Variants in GAREM1 observed in about 807,000 individuals in gnomAD.
GAREM1 encodes GRB2 associated regulator of MAPK1 subtype 1.
A neutral mutation model predicts 71.3 loss-of-function variants in GAREM1; 26 were observed. The observed-to-expected ratio is 0.36, with a 90% CI of 0.27 to 0.51. GAREM1 has a LOEUF of 0.51. Among genes scored for constraint, GAREM1 ranks in the 20% least tolerant of loss-of-function variants. GAREM1 has a pLI of 0.95. For missense variants in GAREM1, 1,026 were observed against 1,103.1 expected, an observed-to-expected ratio of 0.93 and a Z score of 0.99; for synonymous variants, 440 against 433.2, an observed-to-expected ratio of 1.02 and a Z score of -0.20.
At chr18:32,372,358 G>T (rs765868167) in intron 2 of GAREM1, among the ~76,000 whole-genome samples, 1 of 152,124 alleles carries the variant, frequency 6.6e-6, no homozygotes, top group African/African-American at 2.4e-5. Flanking sequence ...TCTATGTGAC[G>T]CACACTAATC....
At chr18:32,371,827 G>T (rs986487608) in intron 2 of GAREM1, among the ~76,000 whole-genome samples, 1 of 152,150 alleles carries the variant, frequency 6.6e-6, no homozygotes, top group Non-Finnish European at 1.5e-5. Context: ...CAAGGAAAAT[G>T]GCACAAGTGA....
intron 2 of GAREM1, among the ~76,000 whole-genome samples, chr18:32,313,978 C>T (rs2047350759): frequency 6.6e-6 from 1 of 151,860 alleles, no homozygotes; most frequent in African/African-American, 2.4e-5. Context: ...AGAGGATGAA[C>T]CTAGACATGA....
chr18:32,299,140 T>G (rs549644388), intron 3 of GAREM1, among the ~76,000 whole-genome samples: 1 of 152,156 alleles, frequency 6.6e-6, no homozygotes, highest in South Asian at 2.1e-4. Context: ...CAATTTATCA[T>G]TCTGAATGGA....
chr18:32,389,625 T>C (rs1290411419), intron 2 of GAREM1, among the ~76,000 whole-genome samples: 4 of 152,184 alleles, frequency 2.6e-5, no homozygotes, highest in Non-Finnish European at 5.9e-5. Flanking sequence ...GTAAGATTCA[T>C]TTCAACCTAG....
At chr18:32,291,816 C>T (rs553119486) in intron 3 of GAREM1, among the ~76,000 whole-genome samples, 7 of 152,220 alleles carry the variant, frequency 4.6e-5, no homozygotes, top group Middle Eastern at 3.4e-3. Context: ...GCAAAGGACA[C>T]GAACTCATCC....
At chr18:32,336,749 C>G (rs955795909) in intron 2 of GAREM1, among the ~76,000 whole-genome samples, 1 of 152,200 alleles carries the variant, frequency 6.6e-6, no homozygotes, top group Non-Finnish European at 1.5e-5. Context: ...CTGAACTTAA[C>G]AGTATCAACC....
rs1039983353 is a variant in GAREM1, at chr18:32,273,506, C to T, written c.1567-3123G>A. ...GTTCTGCCACCTTCAAAACTAGGGA[C>T]TCCTGAAGGGCTAATAGGTTTCCCA... is the stretch of plus-strand genomic sequence containing the variant. On this transcript the variant is annotated intron_variant, in intron 4 of 5. Coordinates refer to ENST00000269209, the MANE Select transcript of GAREM1 (RefSeq NM_001242409.2). Among the ~76,000 whole-genome samples, 6 of 152,188 alleles carry T rather than the reference C, an allele frequency of 3.9e-5. No individual in the cohort carries two copies. The East Asian group carries it at 5.8e-4, about 15-fold the overall frequency.
At chr18:32,351,239 A>G (rs764431372) in intron 2 of GAREM1, among the ~76,000 whole-genome samples, 10 of 152,208 alleles carry the variant, frequency 6.6e-5, no homozygotes, top group Non-Finnish European at 1.3e-4. Flanking sequence ...TGAGTGCCTT[A>G]GTCACATATC....
chr18:32,308,024 T>C (rs757089564), intron 3 of GAREM1, among the ~76,000 whole-genome samples: 1 of 152,182 alleles, frequency 6.6e-6, no homozygotes, highest in African/African-American at 2.4e-5. Context: ...TTGAACAGAA[T>C]TGAATAATGT....
At chr18:32,350,799 A>C (rs371335400) in intron 2 of GAREM1, among the ~76,000 whole-genome samples, 264 of 152,248 alleles carry the variant, frequency 1.7e-3, no homozygotes, top group Middle Eastern at 3.4e-3. Context: ...TATACATGAA[A>C]CCCAACTGGT....
At chr18:32,286,234 C>T (rs2144461608) in intron 4 of GAREM1, among the ~76,000 whole-genome samples, 1 of 151,642 alleles carries the variant, frequency 6.6e-6, no homozygotes, top group East Asian at 1.9e-4. Flanking sequence ...CAGAACTGTA[C>T]CAAAATTTTA....
chr18:32,458,730 T>A (rs1480491553), intron 1 of GAREM1, among the ~76,000 whole-genome samples: 1 of 151,828 alleles, frequency 6.6e-6, no homozygotes, highest in African/African-American at 2.4e-5. Context: ...TATTCTACTA[T>A]CGAGCAAAGA....
intron 2 of GAREM1, among the ~76,000 whole-genome samples, chr18:32,382,578 G>A (rs1185399786): frequency 6.6e-6 from 1 of 152,154 alleles, no homozygotes; most frequent in East Asian, 1.9e-4. Context: ...CCCAGCGTTA[G>A]ACCAGAGTTT....
At chr18:32,461,904 C>T (rs779151647) in intron 1 of GAREM1, among the ~76,000 whole-genome samples, 4 of 152,082 alleles carry the variant, frequency 2.6e-5, no homozygotes, top group Non-Finnish European at 5.9e-5. Context: ...CCTCAGGAAT[C>T]TCAAACAAAA....
intron 2 of GAREM1, among the ~76,000 whole-genome samples, chr18:32,346,914 G>A (rs900326010): frequency 2.6e-5 from 4 of 152,216 alleles, no homozygotes; most frequent in Non-Finnish European, 5.9e-5. Context: ...CACCAGGGCT[G>A]AAGAGGAGAG....
chr18:32,314,934 A>T (rs2047361689), intron 2 of GAREM1, among the ~76,000 whole-genome samples: 1 of 152,184 alleles, frequency 6.6e-6, no homozygotes, highest in Non-Finnish European at 1.5e-5. Flanking sequence ...AACACATTTC[A>T]AGCTATCATT....
Position 32,287,639 on chromosome 18 carries a change from C to T in GAREM1, c.958G>A (p.Glu320Lys), listed in dbSNP as rs567363848. Residue 320 changes from glutamate to lysine, a missense_variant, in exon 4 of 6, where the codon GAA (glutamate) becomes AAA (lysine). Coordinates refer to ENST00000269209, the MANE Select transcript of GAREM1 (RefSeq NM_001242409.2). The surrounding 1 kb of genome is among the most constrained non-coding windows in gnomAD (Gnocchi z 5.9). ...CCTAGCCAGTGATGGACCAGGGTTT[C>T]GGGCCAGCTCTCTCCCTTCACCAGG... is the stretch of plus-strand genomic sequence containing the variant. ...EHLVKGESWP[E>K]TLVHHWLGIC... is the part of the protein sequence containing the mutation. 23 of 1,614,058 alleles carry T rather than the reference C, an allele frequency of 1.4e-5. No individual in the cohort carries two copies. Among genetic ancestry groups the T allele is most frequent in the Middle Eastern group, 1.6e-4 (1 of 6,084 alleles).
chr18:32,325,521 TA>T (rs1374352488), intron 2 of GAREM1, among the ~76,000 whole-genome samples: 1 of 152,138 alleles, frequency 6.6e-6, no homozygotes, highest in Non-Finnish European at 1.5e-5. Context: ...GCCGTGAATC[TA>T]AAACTGCTCT....
chr18:32,400,607 A>T (rs1298898280), intron 1 of GAREM1, among the ~76,000 whole-genome samples: 4 of 152,246 alleles, frequency 2.6e-5, no homozygotes, highest in African/African-American at 9.6e-5. Flanking sequence ...AGACATGCAA[A>T]TCAAAACCAC....
Sources: gnomAD v4.1 joint callset for allele counts (sites outside exome capture counted in the v4.1 genomes callset) on GRCh38, gnomAD v4.1.1 for gene constraint, Gnocchi (gnomAD v3.1) non-coding constraint, MANE v1.5 for transcripts, NCBI Gene and HGNC (gene_info 2026-07-23, HGNC 2026-07-21) for gene names.